CACNA2D3: variants seen among roughly 807,000 people sequenced by gnomAD.
CACNA2D3 encodes calcium voltage-gated channel auxiliary subunit alpha2delta 3, also known as voltage-dependent calcium channel subunit alpha-2/delta-3.
CACNA2D3 carries 60 observed loss-of-function variants against 160.6 expected under a neutral mutation model. The ratio of observed to expected loss-of-function variants is 0.37; its 90% CI spans 0.30 to 0.46. CACNA2D3 has a LOEUF of 0.46. CACNA2D3 is among the 20% of genes least tolerant of loss of function. The pLI is 1.00. For missense variants in CACNA2D3, 1,205 were observed against 1,365.0 expected, an observed-to-expected ratio of 0.88 and a Z score of 1.85; for synonymous variants, 558 against 492.9, an observed-to-expected ratio of 1.13 and a Z score of -1.75.
intron 2 of CACNA2D3, among the ~76,000 whole-genome samples, chr3:54,317,558 A>G (rs1335815024): frequency 6.6e-6 from 1 of 151,646 alleles, no homozygotes; most frequent in Non-Finnish European, 1.5e-5. Flanking sequence ...CTTTTTTGAG[A>G]CAGAGTTTTG....
chr3:54,682,165 A>G (rs1282884015), intron 11 of CACNA2D3, among the ~76,000 whole-genome samples: 4 of 137,600 alleles, frequency 2.9e-5, no homozygotes, highest in East Asian at 4.0e-4. Context: ...AGAACAGCAC[A>G]CACACACACA....
intron 9 of CACNA2D3, among the ~76,000 whole-genome samples, chr3:54,588,480 G>A (rs1702802676): frequency 6.6e-6 from 1 of 152,060 alleles, no homozygotes; most frequent in Non-Finnish European, 1.5e-5. Context: ...GAAGTAAAAG[G>A]CATACGGGTT....
chr3:54,943,728 T>C (rs1156897760), intron 27 of CACNA2D3, among the ~76,000 whole-genome samples: 4 of 152,198 alleles, frequency 2.6e-5, no homozygotes, highest in African/African-American at 9.7e-5. Flanking sequence ...CTATTTCATC[T>C]TGCTTTGGTG....
intron 31 of CACNA2D3, among the ~76,000 whole-genome samples, chr3:54,995,506 T>C (rs928701948): frequency 2.0e-5 from 3 of 152,206 alleles, no homozygotes; most frequent in African/African-American, 7.2e-5. Flanking sequence ...AGTTCAAGGT[T>C]ACCTCATGAT....
At chr3:54,879,198 C>T in intron 19 of CACNA2D3, 109 bp downstream of exon 19, 1 of 878,888 alleles carries the variant, frequency 1.1e-6, no homozygotes, top group Non-Finnish European at 1.7e-6. Flanking sequence ...GATCATTTTT[C>T]TCTTGTCTTT....
chr3:54,921,083 T>A (rs1386631501), intron 27 of CACNA2D3, among the ~76,000 whole-genome samples: 2 of 152,220 alleles, frequency 1.3e-5, no homozygotes, highest in Admixed American at 6.5e-5. Flanking sequence ...ATCTGCTGAT[T>A]ACAGCTTGAG....
At chr3:54,797,798 A>G (rs1702897224) in intron 13 of CACNA2D3, among the ~76,000 whole-genome samples, 1 of 152,222 alleles carries the variant, frequency 6.6e-6, no homozygotes, top group Non-Finnish European at 1.5e-5. Flanking sequence ...ACCTTATGAT[A>G]GCTATGTGAT....
intron 13 of CACNA2D3, among the ~76,000 whole-genome samples, chr3:54,775,578 C>T (rs1296563360): frequency 1.3e-5 from 2 of 152,040 alleles, no homozygotes; most frequent in African/African-American, 4.8e-5. Flanking sequence ...TCTGTTGTAC[C>T]CTTTAGTTTA....
rs1241259926 is a variant in CACNA2D3 at position 54,440,698 on chromosome 3, C to CT, written c.381+53924_381+53925insT. Among the ~76,000 whole-genome samples, 16 of 152,248 alleles carry CT rather than the reference C, an allele frequency of 1.1e-4. 1 individual carries two copies. The East Asian group carries it at 3.1e-3, about 29-fold the overall frequency. On this transcript the variant is annotated intron_variant, in intron 4 of 37. Transcript: ENST00000474759. ...TCCCCTTCCTGTGTCCATGTGTTCT[C>CT]ATTGTTCAATTCCCACCTATGAGTG...
chr3:54,268,157 A>C (rs949826042), intron 2 of CACNA2D3, among the ~76,000 whole-genome samples: 1 of 152,222 alleles, frequency 6.6e-6, no homozygotes, highest in African/African-American at 2.4e-5. Context: ...AGAGGTTTAA[A>C]GAAGCAGCTC....
At chr3:54,145,872 C>T (rs564243770) in intron 2 of CACNA2D3, among the ~76,000 whole-genome samples, 2 of 152,246 alleles carry the variant, frequency 1.3e-5, no homozygotes, top group South Asian at 2.1e-4. Flanking sequence ...TTAGCCTTCA[C>T]GTCTCTTAAT....
In CACNA2D3 at chr3:54,868,030, C is replaced by G. The variant is rs190454444; in HGVS notation, c.1627-3509C>G. Among the ~76,000 whole-genome samples, 517 of 152,270 alleles carry G rather than the reference C, an allele frequency of 3.4e-3. 3 individuals are homozygous for G. The highest frequency in any genetic ancestry group is 0.012 in the African/African-American group (487 of 41,544). On this transcript the variant is annotated intron_variant, in intron 17 of 37. Transcript: ENST00000474759. ...AACATGGGGAATGGGTGGTGGCAGG[C>G]CAAAGCATGGGAACCTTCCTAATGG...
intron 35 of CACNA2D3, among the ~76,000 whole-genome samples, chr3:55,025,921 A>G (rs1559467297): frequency 6.6e-6 from 1 of 152,050 alleles, no homozygotes; most frequent in Non-Finnish European, 1.5e-5. Flanking sequence ...TGGGGACAGA[A>G]ATGGGGACTT....
At chr3:54,164,411 C>T (rs116405782) in intron 2 of CACNA2D3, among the ~76,000 whole-genome samples, 5 of 152,226 alleles carry the variant, frequency 3.3e-5, no homozygotes, top group African/African-American at 4.8e-5. Context: ...ACACACTGAG[C>T]GAGCAGTCAC....
chr3:54,721,734 C>T (rs1420093460), intron 11 of CACNA2D3, among the ~76,000 whole-genome samples: 1 of 140,426 alleles, frequency 7.1e-6, no homozygotes, highest in African/African-American at 2.7e-5. Context: ...GCACTCCAGC[C>T]TGGGCAACAA....
rs111757603 is a variant in CACNA2D3 at position 54,864,662 on chromosome 3, C to T, written c.1627-6877C>T. Among the ~76,000 whole-genome samples, 347 of 152,260 alleles carry T rather than the reference C, an allele frequency of 2.3e-3. 2 individuals are homozygous for T. Among genetic ancestry groups the T allele is most frequent in the African/African-American group, 7.8e-3 (324 of 41,560 alleles). On this transcript the variant is annotated intron_variant, in intron 17 of 37. Coordinates refer to ENST00000474759, the MANE Select transcript of CACNA2D3 (RefSeq NM_018398.3). ...AGTCAGCTGGTAACAGAGACAAGAC[C>T]GGCTAGTGGGATTTGACTGCCAATG...
intron 11 of CACNA2D3, among the ~76,000 whole-genome samples, chr3:54,693,336 A>G (rs1700602231): frequency 6.6e-6 from 1 of 152,236 alleles, no homozygotes; most frequent in African/African-American, 2.4e-5. Flanking sequence ...AAGCTAAAAT[A>G]TTCCAGCCAC....
At position 54,885,354 on chromosome 3, in the gene CACNA2D3, C is replaced by T. The variant is rs371591389; in HGVS notation, c.1958+28C>T. ...AAGAATTAAACCATCCCTCCTTGACCATGGCATCCTTCATTGCCCTCTTTG... is the reference window on the plus strand; with the variant it reads ...AAGAATTAAACCATCCCTCCTTGACTATGGCATCCTTCATTGCCCTCTTTG... On this transcript the variant is annotated intron_variant, in intron 22 of 37. Transcript: ENST00000474759. 682 of 1,613,332 alleles carry T rather than the reference C, an allele frequency of 4.2e-4. 1 individual carries two copies. The highest frequency in any genetic ancestry group is 6.6e-4 in the Middle Eastern group (4 of 6,060).
intron 4 of CACNA2D3, among the ~76,000 whole-genome samples, chr3:54,410,071 C>T (rs1559473883): frequency 6.6e-6 from 1 of 152,118 alleles, no homozygotes; most frequent in Non-Finnish European, 1.5e-5. Context: ...GAGAAGTCGG[C>T]TGGGTGTGGT....
Sources: allele counts gnomAD v4.1 joint callset (sites outside exome capture counted in the v4.1 genomes callset), GRCh38; gene constraint gnomAD v4.1.1; transcripts MANE v1.5; gene names NCBI Gene and HGNC (gene_info 2026-07-23, HGNC 2026-07-21).